The following GSK3B variants were observed in gnomAD, a reference collection of about 807,000 sequenced individuals.
GSK3B encodes the protein glycogen synthase kinase 3 beta.
GSK3B carries 15 observed loss-of-function variants against 56.4 expected under a neutral mutation model. That is an observed-to-expected ratio of 0.27 (90% CI 0.18 to 0.41). The LOEUF is 0.41. GSK3B is among the 10% of genes least tolerant of loss of function. The pLI is 1.00. For synonymous variants in GSK3B, 181 were observed against 188.9 expected, an observed-to-expected ratio of 0.96 and a Z score of 0.34; for missense variants, 300 against 513.4, an observed-to-expected ratio of 0.58 and a Z score of 4.02.
chr3:119,855,215 G>A (rs948907808), intron 9 of GSK3B, among the ~76,000 whole-genome samples: 5 of 152,090 alleles, frequency 3.3e-5, no homozygotes, highest in Non-Finnish European at 7.4e-5. Flanking sequence ...GCAGCCAACA[G>A]ACACATGAAA....
Position 120,093,768 on chromosome 3 carries a change from C to T in GSK3B, c.-334G>A. 1 of 278,066 alleles carries T rather than the reference C, an allele frequency of 3.6e-6. No individual in the cohort carries two copies. 17.2% of individuals were successfully genotyped at this position (278,066 alleles called of 1,614,324 possible). On this transcript the variant is annotated 5_prime_UTR_variant, in exon 1 of 11. Coordinates refer to ENST00000264235, the MANE Select transcript of GSK3B (RefSeq NM_001146156.2). ...AAATATGTATCACGTGAAACGGGGG[C>T]AAATACTTGATTGAAAATGAGTACT...
chr3:119,865,946 A>G (rs2056177668), intron 8 of GSK3B, among the ~76,000 whole-genome samples: 1 of 152,228 alleles, frequency 6.6e-6, no homozygotes, highest in East Asian at 1.9e-4. Context: ...CTACATTAAA[A>G]TCAAGATTTA....
chr3:119,890,359 G>T (rs1478301111), intron 7 of GSK3B, among the ~76,000 whole-genome samples: 1 of 151,936 alleles, frequency 6.6e-6, no homozygotes, highest in Non-Finnish European at 1.5e-5. Context: ...CAAAAACATG[G>T]TACTGAGCAA....
At chr3:120,092,433 T>C (rs1304001921) in intron 1 of GSK3B, among the ~76,000 whole-genome samples, 1 of 152,192 alleles carries the variant, frequency 6.6e-6, no homozygotes, top group Non-Finnish European at 1.5e-5. Flanking sequence ...TAAATCGTCC[T>C]TTTTAAGGAA....
chr3:119,962,249 C>T (rs935864617), intron 2 of GSK3B, among the ~76,000 whole-genome samples: 1 of 152,028 alleles, frequency 6.6e-6, no homozygotes, highest in Admixed American at 6.5e-5. Flanking sequence ...GTGGTGCATA[C>T]CTGTAATCCC....
Position 119,826,521 on chromosome 3 carries a change from G to C in GSK3B, c.*267C>G. ...AAAAGATTGTCGTGGGAGAGAGATT[G>C]TATGTTCTAGTGCTCCGCTTTCCCC... is the stretch of plus-strand genomic sequence containing the variant. On this transcript the variant is annotated 3_prime_UTR_variant, in exon 11 of 11. Coordinates refer to ENST00000264235, the MANE Select transcript of GSK3B (RefSeq NM_001146156.2). 1 of 572,180 alleles carries C rather than the reference G, an allele frequency of 1.7e-6. No homozygotes were observed. The highest frequency in any genetic ancestry group is 4.8e-4 in the Middle Eastern group (1 of 2,074). The allele number at this position is 572,180 out of a possible 1,614,324, so 35.4% of individuals were successfully genotyped here. A position where few individuals can be genotyped will look rare whatever the true frequency, so the allele number is the denominator to read the frequency against.
At chr3:119,936,863 T>G (rs780747423) in intron 3 of GSK3B, among the ~76,000 whole-genome samples, 3 of 151,746 alleles carry the variant, frequency 2.0e-5, no homozygotes, top group African/African-American at 7.3e-5. Context: ...AACAGATAAC[T>G]TGAACAACAC....
At position 119,932,130 on chromosome 3, in the gene GSK3B, A is replaced by G. The variant is rs972388463; in HGVS notation, c.367-8647T>C. On this transcript the variant is annotated intron_variant, in intron 3 of 10. Transcript: ENST00000264235. ...AGGAAATAAAATGACTTGAGGTTAC[A>G]TTTTTAATAGAATCATGATATAATT... Among the ~76,000 whole-genome samples the G allele has an allele frequency of 1.1e-4, 16 of 152,338 alleles. No individual in the cohort carries two copies. The East Asian group carries it at 2.5e-3, about 24-fold the overall frequency.
chr3:120,060,847 A>G (rs1319323228), intron 1 of GSK3B, among the ~76,000 whole-genome samples: 1 of 152,232 alleles, frequency 6.6e-6, no homozygotes, highest in African/African-American at 2.4e-5. Context: ...AAAAGAAAAT[A>G]CCTGATTGCA....
intron 3 of GSK3B, among the ~76,000 whole-genome samples, chr3:119,929,784 C>CCCAG (rs1336230936): frequency 6.6e-6 from 1 of 151,932 alleles, no homozygotes; most frequent in Non-Finnish European, 1.5e-5. Context: ...TGCCTGTAAT[C>CCCAG]CCAGCTACTC....
At chr3:119,961,832 C>T (rs1397798673) in intron 2 of GSK3B, among the ~76,000 whole-genome samples, 1 of 152,160 alleles carries the variant, frequency 6.6e-6, no homozygotes, top group East Asian at 1.9e-4. Flanking sequence ...ATGATGAGTA[C>T]CCATATAGTA....
rs2056411609 is a variant in GSK3B at position 119,884,347 on chromosome 3, A to C, written c.814-7839T>G. 3.3e-5 allele frequency among the ~76,000 whole-genome samples: 5 copies of C among 152,174 alleles called. 1 individual carries two copies. In the South Asian group the frequency reaches 1.0e-3, roughly 32 times the overall value. On this transcript the variant is annotated intron_variant, in intron 7 of 10. Transcript: ENST00000264235. ...AGCAAGCCGACCATAATCACCTGAC[A>C]TGAGTTTAGTGGAATTAAGTTTTCC...
At chr3:119,898,629 T>C (rs1004291585) in intron 7 of GSK3B, among the ~76,000 whole-genome samples, 5 of 152,132 alleles carry the variant, frequency 3.3e-5, no homozygotes, top group African/African-American at 1.2e-4. Context: ...GGCTATAAAT[T>C]GAGCTACAGA....
chr3:119,896,139 A>AG (rs1401690726), intron 7 of GSK3B, among the ~76,000 whole-genome samples: 1 of 151,864 alleles, frequency 6.6e-6, no homozygotes, highest in Non-Finnish European at 1.5e-5. Flanking sequence ...AAAAAAAAAA[A>AG]AAAAAAGTGG....
intron 2 of GSK3B, among the ~76,000 whole-genome samples, chr3:119,970,641 G>A (rs897985833): frequency 2.1e-5 from 3 of 144,272 alleles, no homozygotes; most frequent in South Asian, 4.4e-4. Context: ...AAAAAAATTA[G>A]CCGGGCATGG....
At chr3:119,970,080 A>T (rs925101201) in intron 2 of GSK3B, among the ~76,000 whole-genome samples, 1 of 152,242 alleles carries the variant, frequency 6.6e-6, no homozygotes, top group African/African-American at 2.4e-5. Context: ...AAAGCACAAG[A>T]GTAGTGACAC....
intron 1 of GSK3B, among the ~76,000 whole-genome samples, chr3:120,010,416 A>G (rs138705340): frequency 1.3e-5 from 2 of 152,346 alleles, no homozygotes; most frequent in East Asian, 3.9e-4. Context: ...AAATGAAGAG[A>G]TCCAGAAAGG....
intron 1 of GSK3B, among the ~76,000 whole-genome samples, chr3:120,035,804 GTTGA>G (rs2058017980): frequency 2.0e-5 from 3 of 152,140 alleles, no homozygotes; most frequent in African/African-American, 7.2e-5. Context: ...CAGAAACATA[GTTGA>G]TTTTTATACA....
chr3:120,061,579 T>G (rs938442354), intron 1 of GSK3B, among the ~76,000 whole-genome samples: 33 of 152,200 alleles, frequency 2.2e-4, no homozygotes, highest in Non-Finnish European at 1.0e-4. Context: ...ACACTATTAT[T>G]GTTATTAGTT....
Sources: allele counts gnomAD v4.1 joint callset (sites outside exome capture counted in the v4.1 genomes callset), GRCh38; gene constraint gnomAD v4.1.1; transcripts MANE v1.5; gene names NCBI Gene and HGNC (gene_info 2026-07-23, HGNC 2026-07-21).